Variants in PTH2R observed in about 807,000 individuals in gnomAD.
PTH2R encodes PTH2 receptor.
A neutral mutation model predicts 60.3 loss-of-function variants in PTH2R; 59 were observed. The ratio of observed to expected loss-of-function variants is 0.98; its 90% CI spans 0.79 to 1.22. PTH2R has a LOEUF of 1.22. PTH2R is among the 50% of genes most tolerant of loss of function. PTH2R has a pLI of 0.00. For synonymous variants in PTH2R, 256 were observed against 243.8 expected (o/e 1.05, Z -0.47); for missense variants, 749 against 682.6 (o/e 1.10, Z -1.08).
At chr2:208,434,980 G>A (rs1385196621) in intron 2 of PTH2R, among the ~76,000 whole-genome samples, 3 of 152,214 alleles carry the variant, frequency 2.0e-5, no homozygotes, top group East Asian at 3.8e-4. Context: ...AGCAAAGCAA[G>A]GCTTTTTCTA....
chr2:208,365,529 C>A lies in PTH2R; in HGVS notation c.-259+5292C>A, dbSNP rs114345335. ...CCATCCTTGCATCCCAGGGATAAAT[C>A]CCACTTGATCATGGTGAATGATCTT... On this transcript the variant is annotated intron_variant, in intron 1 of 12. Transcript: ENST00000617735. Among the ~76,000 whole-genome samples the A allele has an allele frequency of 8.7e-3, 1,327 of 152,174 alleles. 15 individuals carry two copies. Among genetic ancestry groups the A allele is most frequent in the Non-Finnish European group, 0.012 (818 of 68,018 alleles).
At chr2:208,364,656 C>T (rs1574805871) in intron 1 of PTH2R, among the ~76,000 whole-genome samples, 1 of 152,136 alleles carries the variant, frequency 6.6e-6, no homozygotes, top group African/African-American at 2.4e-5. Context: ...TCTTAGGGCC[C>T]TTTGAGATTC....
At chr2:208,411,160 C>G (rs568070726) in intron 1 of PTH2R, among the ~76,000 whole-genome samples, 10 of 152,242 alleles carry the variant, frequency 6.6e-5, no homozygotes, top group African/African-American at 2.4e-4. Flanking sequence ...GTGGGAGGAT[C>G]GCTTGAACCC....
chr2:208,478,552 T>A (rs1452767898), intron 9 of PTH2R, among the ~76,000 whole-genome samples: 1 of 152,260 alleles, frequency 6.6e-6, no homozygotes, highest in Non-Finnish European at 1.5e-5. Flanking sequence ...CGGAGGATTC[T>A]TCAGGTGTCT....
rs560282872 is a variant in PTH2R, at chr2:208,380,453, T to G, written c.-259+20216T>G. On this transcript the variant is annotated intron_variant, in intron 1 of 12. Transcript: ENST00000617735. ...ATCCTCATAATTGAGAGAAAAATAC[T>G]CCATATTTTATTGGAAATAAGATCA... Among the ~76,000 whole-genome samples, 10 of 152,250 alleles carry G rather than the reference T, an allele frequency of 6.6e-5. No individual in the cohort carries two copies. In the East Asian group the frequency reaches 1.9e-3, roughly 29 times the overall value.
chr2:208,490,521 A>G, intron 11 of PTH2R, 118 bp from the exon 12 acceptor site: 2 of 839,696 alleles, frequency 2.4e-6, no homozygotes, highest in East Asian at 2.6e-5. Context: ...TAATTTGTAT[A>G]TAATTCTCTG....
intron 1 of PTH2R, among the ~76,000 whole-genome samples, chr2:208,377,861 C>T (rs1249401806): frequency 8.0e-5 from 12 of 149,354 alleles, no homozygotes; most frequent in Non-Finnish European, 1.6e-4. Context: ...TGATGGTGGC[C>T]GGGAAGAGGC....
At chr2:208,406,776 G>A (rs1216341443), upstream of PTH2R, 2 of 336,322 alleles carry the variant, frequency 5.9e-6, no homozygotes, top group African/African-American at 2.1e-5. Flanking sequence ...GCGGCGCGGG[G>A]CTGCGAGTCA....
chr2:208,480,457 G>C (rs979789250), intron 9 of PTH2R, among the ~76,000 whole-genome samples: 6 of 152,088 alleles, frequency 3.9e-5, no homozygotes, highest in Non-Finnish European at 8.8e-5. Flanking sequence ...ACAGAAAGGG[G>C]CTTATTCCTT....
intron 10 of PTH2R, among the ~76,000 whole-genome samples, chr2:208,483,328 A>C (rs1383146941): frequency 1.3e-5 from 2 of 152,202 alleles, no homozygotes; most frequent in Non-Finnish European, 2.9e-5. Context: ...AGGCCAAAGG[A>C]TAGAATAATA....
chr2:208,399,705 A>G (rs536706935), intron 1 of PTH2R, among the ~76,000 whole-genome samples: 1 of 152,170 alleles, frequency 6.6e-6, no homozygotes, highest in African/African-American at 2.4e-5. Flanking sequence ...ACTTTTCCCT[A>G]TGTTGAATTT....
intron 4 of PTH2R, among the ~76,000 whole-genome samples, chr2:208,441,501 G>C (rs1039243948): frequency 6.6e-6 from 1 of 152,178 alleles, no homozygotes; most frequent in Non-Finnish European, 1.5e-5. Context: ...TCCCCATTTA[G>C]TCTATTAGTA....
intron 2 of PTH2R, among the ~76,000 whole-genome samples, chr2:208,435,707 A>T (rs1702061715): frequency 1.3e-5 from 2 of 152,154 alleles, no homozygotes; most frequent in African/African-American, 4.8e-5. Context: ...AAGGAGACAG[A>T]TCCTCCCTCA....
intron 1 of PTH2R, among the ~76,000 whole-genome samples, chr2:208,427,655 A>G (rs1574863073): frequency 6.6e-6 from 1 of 152,250 alleles, no homozygotes; most frequent in African/African-American, 2.4e-5. Context: ...AAACAAATTA[A>G]TGTTTGTTAT....
At position 208,427,318 on chromosome 2, in the gene PTH2R, C is replaced by G. The variant is rs1031858996; in HGVS notation, c.76-883C>G. Among the ~76,000 whole-genome samples the G allele has an allele frequency of 1.3e-4, 20 of 152,194 alleles. No individual in the cohort carries two copies. In the East Asian group the frequency reaches 2.5e-3, roughly 19 times the overall value. Reference sequence around the variant, plus strand: ...AAGGAGTCAATTTTTCCTGCCATGCCCACTCAGAGACTCATGTATATCCAG... The same window carrying G: ...AAGGAGTCAATTTTTCCTGCCATGCGCACTCAGAGACTCATGTATATCCAG... On this transcript the variant is annotated intron_variant, in intron 1 of 12. Transcript: ENST00000272847.
chr2:208,409,416 A>G (rs1001120334), intron 1 of PTH2R, among the ~76,000 whole-genome samples: 4 of 152,230 alleles, frequency 2.6e-5, no homozygotes, highest in Non-Finnish European at 5.9e-5. Flanking sequence ...TATTTACTTC[A>G]AATATCAATT....
intron 8 of PTH2R, among the ~76,000 whole-genome samples, chr2:208,458,463 T>C (rs930217867): frequency 1.3e-5 from 2 of 152,166 alleles, no homozygotes; most frequent in African/African-American, 2.4e-5. Flanking sequence ...ATTTTTATTT[T>C]AGGTTTGGGG....
chr2:208,418,296 T>C (rs1701683174), intron 1 of PTH2R, among the ~76,000 whole-genome samples: 1 of 152,046 alleles, frequency 6.6e-6, no homozygotes, highest in Non-Finnish European at 1.5e-5. Context: ...AAAGGGAATG[T>C]CTCATATTTT....
intron 9 of PTH2R, among the ~76,000 whole-genome samples, chr2:208,480,639 T>C (rs1225646124): frequency 6.6e-6 from 1 of 152,228 alleles, no homozygotes; most frequent in Non-Finnish European, 1.5e-5. Context: ...CTTCACCCAA[T>C]ACTTTTCATA....
Sources: allele counts gnomAD v4.1 joint callset (sites outside exome capture counted in the v4.1 genomes callset), GRCh38; gene constraint gnomAD v4.1.1; transcripts MANE v1.5; gene names NCBI Gene and HGNC (gene_info 2026-07-23, HGNC 2026-07-21).